PCDH9: variants seen among roughly 807,000 people sequenced by gnomAD.
The protein encoded by PCDH9 is protocadherin 9.
A neutral mutation model predicts 70.6 loss-of-function variants in PCDH9; 24 were observed. The ratio of observed to expected loss-of-function variants is 0.34; its 90% CI spans 0.25 to 0.48. The LOEUF (loss-of-function observed/expected upper bound fraction) is 0.48, where lower values mean the gene tolerates loss of function less well. PCDH9 is among the 20% of genes least tolerant of loss of function. The probability of loss-of-function intolerance (pLI) is 0.99; values close to 1 mark genes in which losing one functional copy is unlikely to be tolerated. For synonymous variants in PCDH9, 562 were observed against 558.5 expected (o/e 1.01, Z -0.09); for missense variants, 1,281 against 1,503.6 (o/e 0.85, Z 2.45).
At chr13:67,038,494 T>C (rs914862191) in intron 2 of PCDH9, among the ~76,000 whole-genome samples, 2 of 152,198 alleles carry the variant, frequency 1.3e-5, no homozygotes, top group African/African-American at 4.8e-5. Context: ...ATGTTTACAG[T>C]ATTAATTTTT....
chr13:67,006,583 T>A (rs1420742322), intron 2 of PCDH9, among the ~76,000 whole-genome samples: 1 of 152,196 alleles, frequency 6.6e-6, no homozygotes, highest in Non-Finnish European at 1.5e-5. Flanking sequence ...TAGAACTCAA[T>A]GACCTAGAAG....
chr13:67,014,587 C>T (rs1488376466), intron 2 of PCDH9, among the ~76,000 whole-genome samples: 5 of 151,878 alleles, frequency 3.3e-5, no homozygotes, highest in East Asian at 1.9e-4. Context: ...TTCTGAGCCA[C>T]ACCCACTCTA....
At chr13:66,826,710 A>G (rs2080829783) in intron 3 of PCDH9, among the ~76,000 whole-genome samples, 2 of 152,170 alleles carry the variant, frequency 1.3e-5, no homozygotes, top group Admixed American at 1.3e-4. Context: ...ACAAAACTAA[A>G]GAGTGGGAAG....
intron 4 of PCDH9, among the ~76,000 whole-genome samples, chr13:66,475,541 T>C (rs889085621): frequency 6.6e-6 from 1 of 152,090 alleles, no homozygotes; most frequent in African/African-American, 2.4e-5. Context: ...AATTTTTCAT[T>C]CACAAATGTA....
intron 4 of PCDH9, among the ~76,000 whole-genome samples, chr13:66,387,856 C>T (rs1956956276): frequency 2.0e-5 from 3 of 152,130 alleles, no homozygotes; most frequent in Non-Finnish European, 4.4e-5. Context: ...CATCCTGTTC[C>T]ATTTACACCT....
chr13:66,313,350 C>G (rs570830860), intron 4 of PCDH9, among the ~76,000 whole-genome samples: 16 of 152,272 alleles, frequency 1.1e-4, no homozygotes, highest in South Asian at 2.1e-4. Context: ...ACTGCTATCT[C>G]CTGAATTACT....
chr13:67,187,125 A>T (rs2088779380), intron 2 of PCDH9, among the ~76,000 whole-genome samples: 1 of 152,188 alleles, frequency 6.6e-6, no homozygotes, highest in Non-Finnish European at 1.5e-5. Context: ...CAGGCATCAA[A>T]GCTGAACATG....
intron 4 of PCDH9, among the ~76,000 whole-genome samples, chr13:66,474,976 G>T (rs572618674): frequency 6.6e-6 from 1 of 151,946 alleles, no homozygotes; most frequent in African/African-American, 2.4e-5. Context: ...TTTTCTCTAT[G>T]GGTTAATGTT....
At chr13:66,671,269 T>TCATAG (rs1464876309) in intron 3 of PCDH9, among the ~76,000 whole-genome samples, 2 of 152,184 alleles carry the variant, frequency 1.3e-5, no homozygotes, top group Non-Finnish European at 2.9e-5. Context: ...CGGTATTTCT[T>TCATAG]CATAGCAGTA....
intron 3 of PCDH9, among the ~76,000 whole-genome samples, chr13:66,899,988 G>A: frequency 6.6e-6 from 1 of 151,904 alleles, no homozygotes; most frequent in East Asian, 1.9e-4. Flanking sequence ...GTAATTCTAG[G>A]ATCGAATTCT....
At chr13:66,540,289 G>A (rs572802245) in intron 4 of PCDH9, among the ~76,000 whole-genome samples, 2 of 152,138 alleles carry the variant, frequency 1.3e-5, no homozygotes, top group African/African-American at 4.8e-5. Context: ...ATTCATGAAG[G>A]AACCGCTGAA....
intron 3 of PCDH9, among the ~76,000 whole-genome samples, chr13:66,746,148 G>T (rs1446584674): frequency 1.3e-5 from 2 of 151,904 alleles, no homozygotes; most frequent in Non-Finnish European, 2.9e-5. Context: ...TCTATTTTTT[G>T]ATAACATTAG....
chr13:67,092,805 G>C (rs544756201), intron 2 of PCDH9, among the ~76,000 whole-genome samples: 1 of 152,192 alleles, frequency 6.6e-6, no homozygotes, highest in South Asian at 2.1e-4. Context: ...AACATCGTTA[G>C]GTTTCTTACA....
At chr13:67,108,823 T>G (rs1415466086) in intron 2 of PCDH9, among the ~76,000 whole-genome samples, 1 of 152,202 alleles carries the variant, frequency 6.6e-6, no homozygotes, top group Non-Finnish European at 1.5e-5. Context: ...AATGCATATT[T>G]GAGGGAATAT....
At chr13:66,925,107 G>A (rs1425478518) in intron 2 of PCDH9, among the ~76,000 whole-genome samples, 1 of 151,846 alleles carries the variant, frequency 6.6e-6, no homozygotes, top group Non-Finnish European at 1.5e-5. Context: ...GTTTAAATCT[G>A]TTCGCTGTCA....
intron 4 of PCDH9, chr13:66,630,837 T>C (rs79664217): frequency 0.028 from 4,487 of 157,542 alleles, 227 homozygotes; most frequent in African/African-American, 0.1. Flanking sequence ...AGGACATTTA[T>C]ATATGCAAAT....
At chr13:67,083,829 C>T (rs972712514) in intron 2 of PCDH9, among the ~76,000 whole-genome samples, 1 of 152,130 alleles carries the variant, frequency 6.6e-6, no homozygotes, top group Non-Finnish European at 1.5e-5. Context: ...TGGGAACACT[C>T]ATTTTGAAAT....
intron 2 of PCDH9, among the ~76,000 whole-genome samples, chr13:67,187,220 C>T (rs533970186): frequency 2.0e-5 from 3 of 152,266 alleles, no homozygotes; most frequent in Admixed American, 1.3e-4. Flanking sequence ...CAAGGGAGCT[C>T]TCCAGGTTGC....
intron 4 of PCDH9, among the ~76,000 whole-genome samples, chr13:66,591,840 T>A (rs554159215): frequency 6.6e-6 from 1 of 151,734 alleles, no homozygotes; most frequent in African/African-American, 2.4e-5. Flanking sequence ...AACAAGATGA[T>A]AAAATAATTT....
Sources: gnomAD v4.1 joint callset for allele counts (sites outside exome capture counted in the v4.1 genomes callset) on GRCh38, gnomAD v4.1.1 for gene constraint, MANE v1.5 for transcripts, NCBI Gene and HGNC (gene_info 2026-07-23, HGNC 2026-07-21) for gene names.